The following COL9A2 variants were observed in gnomAD, a reference collection of about 807,000 sequenced individuals.
COL9A2 encodes the protein collagen type IX alpha 2 chain.
In COL9A2, 66 loss-of-function variants were observed where a neutral mutation model predicts 111.6. That is an observed-to-expected ratio of 0.59 (90% CI 0.48 to 0.73). The LOEUF is 0.73. Ranked by LOEUF, COL9A2 falls within the 30% of genes least tolerant of loss-of-function variation. COL9A2 has a pLI of 0.00. For synonymous variants in COL9A2, 353 were observed against 364.1 expected, an observed-to-expected ratio of 0.97 and a Z score of 0.35; for missense variants, 881 against 954.1, an observed-to-expected ratio of 0.92 and a Z score of 1.01.
Position 40,301,847 on chromosome 1 carries a change from C to G in COL9A2, c.1835G>C (p.Gly612Ala). ...TGGGGGCCCAGGCATCCCGGGGTGC[C>G]CCCGTCCCACTTCTCCTGGATCACC... is the stretch of plus-strand genomic sequence containing the variant. ...EKGDPGEVGR[G>A]HPGMPGPPGI... Residue 612 changes from glycine (G) to alanine (A), a missense_variant, in exon 31 of 32, where the codon GGG becomes GCG. Transcript: ENST00000372748. 2 of 1,614,140 alleles carry G rather than the reference C, an allele frequency of 1.2e-6. No individual in the cohort carries two copies. Among genetic ancestry groups the G allele is most frequent in the South Asian group, 2.2e-5 (2 of 91,050 alleles).
rs1643934992 is a variant in COL9A2 at position 40,302,782 on chromosome 1, GCACT to G, written c.1627_1630del (p.Ser543ProfsTer11). On this transcript the variant is annotated frameshift_variant, in exon 30 of 32. Coordinates refer to ENST00000372748, the MANE Select transcript of COL9A2 (RefSeq NM_001852.4). LOFTEE classifies it high-confidence loss of function. This position sits in a 1 kb window ranked among gnomAD's most constrained non-coding sequence, Gnocchi z 4.5. The stretch of plus-strand genomic sequence containing the variant: ...CACCGCACCCAGGGCTTCCCGCTTG[GCACT>G]CACGGCGACCTCTGCCAGTTGCTCT... 1.6e-6 allele frequency: 2 copies of G among 1,250,292 alleles called. No homozygotes were observed. The highest frequency in any genetic ancestry group is 2.3e-5 in the Admixed American group (1 of 44,230). The allele number at this position is 1,250,292 out of a possible 1,614,324, so 77.4% of individuals were successfully genotyped here.
chr1:40,315,002 G>C (rs1644193099), intron 2 of COL9A2, among the ~76,000 whole-genome samples: 1 of 152,122 alleles, frequency 6.6e-6, no homozygotes, highest in Non-Finnish European at 1.5e-5. Flanking sequence ...CCAGGGCCTG[G>C]CCGGGGGCCC....
In COL9A2 at chr1:40,310,085, G is replaced by C. The variant is rs374831834; in HGVS notation, c.792+26C>G. On this transcript the variant is annotated intron_variant, in intron 15 of 31. Transcript: ENST00000372748. The surrounding 1 kb of genome is among the most constrained non-coding windows in gnomAD (Gnocchi z 4.9). ...GTAGCTGTAGGAGCTCCAGCCTCAGGGGTAGGGGAGCAAAAAGAGGCTTAC... is the reference window on the plus strand; with the variant it reads ...GTAGCTGTAGGAGCTCCAGCCTCAGCGGTAGGGGAGCAAAAAGAGGCTTAC... 121 of 1,613,932 alleles carry C rather than the reference G, an allele frequency of 7.5e-5. No homozygotes were observed. The highest frequency in any genetic ancestry group is 1.6e-4 in the Middle Eastern group (1 of 6,062).
chr1:40,311,334 GC>G lies in COL9A2; in HGVS notation c.520-49del. 6.3e-7 allele frequency: 1 copy of G among 1,599,512 alleles called. No homozygotes were observed. Among genetic ancestry groups the G allele is most frequent in the Non-Finnish European group, 8.5e-7 (1 of 1,171,342 alleles). On this transcript the variant is annotated intron_variant, in intron 10 of 31. Transcript: ENST00000372748. The surrounding 1 kb of genome is among the most constrained non-coding windows in gnomAD (Gnocchi z 5.1). ...GGTCCTGTGATCAGCTGGGCAGTGCGCCCCCATCTCTCCAAGCCCCGTGCTC... is the reference window on the plus strand; with the variant it reads ...GGTCCTGTGATCAGCTGGGCAGTGCGCCCCATCTCTCCAAGCCCCGTGCTC...
Position 40,317,146 on chromosome 1 carries a change from C to A in COL9A2, c.52G>T (p.Val18Leu), listed in dbSNP as rs1442572439. The A allele has an allele frequency of 1.3e-6, 2 of 1,586,274 alleles. No individual in the cohort carries two copies. The highest frequency in any genetic ancestry group is 8.6e-7 in the Non-Finnish European group (1 of 1,166,648). The change falls in exon 1 of 32, where the codon GTA becomes TTA. Residue 18 changes from valine (V) to leucine (L), a missense_variant. Coordinates refer to ENST00000372748, the MANE Select transcript of COL9A2 (RefSeq NM_001852.4). The surrounding 1 kb of genome is among the most constrained non-coding windows in gnomAD (Gnocchi z 4.3). ...ACAATCTGCGCCAGAGCGAGCACTA[C>A]CACCTGGAGGAGAACAAGGAGGCTG... ...PRSLLVLLQV[V>L]VLALAQIRGP...
chr1:40,304,156 A>T lies in COL9A2; in HGVS notation c.1288-57T>A, dbSNP rs6682176. The T allele has an allele frequency of 1.9e-4, 288 of 1,521,320 alleles. 4 individuals carry two copies. The African/African-American group carries it at 3.7e-3, about 19-fold the overall frequency. 94.2% of individuals were successfully genotyped at this position (1,521,320 alleles called of 1,614,324 possible). A position where few individuals can be genotyped will look rare whatever the true frequency, so the allele number is the denominator to read the frequency against. ...AGCTCCCCCCTCCACGGGGTCCCCC[A>T]CCTAACTTTCGGCCACACCCCTCTT... is the stretch of plus-strand genomic sequence containing the variant. On this transcript the variant is annotated intron_variant, in intron 24 of 31. Coordinates refer to ENST00000372748, the MANE Select transcript of COL9A2 (RefSeq NM_001852.4).
In COL9A2 at chr1:40,302,955, G is replaced by A. The variant is rs1025389868; in HGVS notation, c.1604-146C>T. ...CACCTTCCGTGGGCTCTGTTTTGCGGAAGTCAAAGGCCCAGAGTGACTTAT... is the reference window on the plus strand; with the variant it reads ...CACCTTCCGTGGGCTCTGTTTTGCGAAAGTCAAAGGCCCAGAGTGACTTAT... On this transcript the variant is annotated intron_variant, in intron 29 of 31. Coordinates refer to ENST00000372748, the MANE Select transcript of COL9A2 (RefSeq NM_001852.4). The surrounding 1 kb of genome is among the most constrained non-coding windows in gnomAD (Gnocchi z 4.5). The A allele has an allele frequency of 2.3e-5, 26 of 1,115,804 alleles. No individual in the cohort carries two copies. Among genetic ancestry groups the A allele is most frequent in the South Asian group, 2.1e-4 (15 of 71,966 alleles). The allele number at this position is 1,115,804 out of a possible 1,614,324, so 69.1% of individuals were successfully genotyped here. A position where few individuals can be genotyped will look rare whatever the true frequency, so the allele number is the denominator to read the frequency against.
chr1:40,304,875 C>T (rs1170242166), intron 21 of COL9A2, 28 bp from the exon 22 acceptor site: 7 of 1,545,932 alleles, frequency 4.5e-6, no homozygotes, highest in East Asian at 2.4e-5. Context: ...TGGGGCTAAG[C>T]GTTTGACCTG....
In COL9A2 at chr1:40,304,750, G is replaced by A; in HGVS notation, c.1161+44C>T. ...GATGCTGTATCCAGCAGTGCCAGCTGCCGCAGAGGCCCCCGGGGAGGGGCC... is the reference window on the plus strand; with the variant it reads ...GATGCTGTATCCAGCAGTGCCAGCTACCGCAGAGGCCCCCGGGGAGGGGCC... On this transcript the variant is annotated intron_variant, in intron 22 of 31. Coordinates refer to ENST00000372748, the MANE Select transcript of COL9A2 (RefSeq NM_001852.4). 2.0e-6 allele frequency: 3 copies of A among 1,523,722 alleles called. No homozygotes were observed. In the East Asian group the frequency reaches 7.4e-5, roughly 37 times the overall value. 94.4% of individuals were successfully genotyped at this position (1,523,722 alleles called of 1,614,324 possible).
Position 40,307,592 on chromosome 1 carries a change from G to C in COL9A2, c.955-93C>G. ...ATGCAGGTAGGGAAACTGAGATCCA[G>C]AGGCAAGAAAGGGCATGTCCATGAC... On this transcript the variant is annotated intron_variant, in intron 18 of 31. Coordinates refer to ENST00000372748, the MANE Select transcript of COL9A2 (RefSeq NM_001852.4). The surrounding 1 kb of genome is among the most constrained non-coding windows in gnomAD (Gnocchi z 4.8). The C allele has an allele frequency of 6.3e-7, 1 of 1,588,162 alleles. No individual in the cohort carries two copies. The highest frequency in any genetic ancestry group is 8.6e-7 in the Non-Finnish European group (1 of 1,160,398).
intron 16 of COL9A2, among the ~76,000 whole-genome samples, chr1:40,309,296 A>T (rs1417412526): frequency 2.0e-5 from 3 of 152,174 alleles, no homozygotes; most frequent in African/African-American, 7.2e-5. Flanking sequence ...TAGAAAAATA[A>T]AAGTATAAGA....
chr1:40,302,932 C>T lies in COL9A2; in HGVS notation c.1604-123G>A, dbSNP rs893686419. 2.4e-5 allele frequency: 28 copies of T among 1,166,636 alleles called. No individual in the cohort carries two copies. Among genetic ancestry groups the T allele is most frequent in the South Asian group, 2.7e-5 (2 of 74,330 alleles). The allele number at this position is 1,166,636 out of a possible 1,614,324, so 72.3% of individuals were successfully genotyped here. A position where few individuals can be genotyped will look rare whatever the true frequency, so the allele number is the denominator to read the frequency against. On this transcript the variant is annotated intron_variant, in intron 29 of 31. Transcript: ENST00000372748. The surrounding 1 kb of genome is among the most constrained non-coding windows in gnomAD (Gnocchi z 4.5). The stretch of plus-strand genomic sequence containing the variant: ...TAGGTTTGCAGACAGAAAAGCACCA[C>T]CTTCCGTGGGCTCTGTTTTGCGGAA...
chr1:40,311,048 A>T lies in COL9A2; in HGVS notation c.630+45T>A. ...GAAGGGGACAGAGCCCTGTAGGACC[A>T]TCTCCACGTATCCCTGACCCACAGC... On this transcript the variant is annotated intron_variant, in intron 12 of 31. Coordinates refer to ENST00000372748, the MANE Select transcript of COL9A2 (RefSeq NM_001852.4). This position sits in a 1 kb window ranked among gnomAD's most constrained non-coding sequence, Gnocchi z 5.1. The T allele has an allele frequency of 6.2e-7, 1 of 1,609,482 alleles. No homozygotes were observed. Among genetic ancestry groups the T allele is most frequent in the Non-Finnish European group, 8.5e-7 (1 of 1,176,308 alleles).
At position 40,307,776 on chromosome 1, in the gene COL9A2, A is replaced by G. The variant is rs1644053624; in HGVS notation, c.901-20T>C. On this transcript the variant is annotated intron_variant, in intron 17 of 31. Coordinates refer to ENST00000372748, the MANE Select transcript of COL9A2 (RefSeq NM_001852.4). This position sits in a 1 kb window ranked among gnomAD's most constrained non-coding sequence, Gnocchi z 4.8. ...GGGGCCCTACCCAGGAGGAAAGTTCAAGGGAGAGTGATAATGCGGAGATGT... is the reference window on the plus strand; with the variant it reads ...GGGGCCCTACCCAGGAGGAAAGTTCGAGGGAGAGTGATAATGCGGAGATGT... 2.5e-6 allele frequency: 4 copies of G among 1,613,836 alleles called. No individual in the cohort carries two copies. Among genetic ancestry groups the G allele is most frequent in the Non-Finnish European group, 3.4e-6 (4 of 1,179,800 alleles).
intron 17 of COL9A2, among the ~76,000 whole-genome samples, 188 bp downstream of exon 17, chr1:40,308,004 G>A (rs547553589): frequency 9.9e-5 from 15 of 152,248 alleles, no homozygotes; most frequent in Admixed American, 2.6e-4. Flanking sequence ...ATGACCTCCC[G>A]TATGTCATCA....
In COL9A2 at chr1:40,310,219, G is replaced by C. The variant is rs759006418; in HGVS notation, c.738+45C>G. ...CCTGGCTGAACTCCAGGGGCCAGAA[G>C]GCAGCTCCTGGAAGCTCTTGTAGAA... On this transcript the variant is annotated intron_variant, in intron 14 of 31. Transcript: ENST00000372748. The surrounding 1 kb of genome is among the most constrained non-coding windows in gnomAD (Gnocchi z 4.9). The C allele has an allele frequency of 6.2e-7, 1 of 1,613,614 alleles. No homozygotes were observed. Among genetic ancestry groups the C allele is most frequent in the East Asian group, 2.2e-5 (1 of 44,882 alleles).
Position 40,316,169 on chromosome 1 carries a change from A to C in COL9A2, c.76-505T>G. The C allele has an allele frequency of 6.1e-6, 1 of 163,850 alleles. No individual in the cohort carries two copies. The highest frequency in any genetic ancestry group is 1.3e-5 in the Non-Finnish European group (1 of 74,630). 10.1% of individuals were successfully genotyped at this position (163,850 alleles called of 1,614,324 possible). A position where few individuals can be genotyped will look rare whatever the true frequency, so the allele number is the denominator to read the frequency against. ...AGAGACAGCGCCTCCTCCTCTCCCC[A>C]TGGTGCGGGAAAACCCGACGGGAAA... is the stretch of plus-strand genomic sequence containing the variant. On this transcript the variant is annotated intron_variant, in intron 1 of 31. Transcript: ENST00000372748. The surrounding 1 kb of genome is among the most constrained non-coding windows in gnomAD (Gnocchi z 5.5).
In COL9A2 at chr1:40,303,661, C is replaced by T. The variant is rs749963403; in HGVS notation, c.1417G>A (p.Glu473Lys). ...CCGCTGGGGCCAGGGTAGCCGGGTT[C>T]TCCACGTACTCCTTGCTGCGGGGGG... ...GPKGQQGVRG[E>K]PGYPGPSGDA... Residue 473 changes from glutamate (E) to lysine (K), a missense_variant, in exon 28 of 32, where the codon GAA becomes AAA. Physicochemically the swap from Glu to Lys is moderately conservative, Grantham distance 56 (BLOSUM62 1). Transcript: ENST00000372748. The surrounding 1 kb of genome is among the most constrained non-coding windows in gnomAD (Gnocchi z 4.6). 1 of 1,572,470 alleles carries T rather than the reference C, an allele frequency of 6.4e-7. No individual in the cohort carries two copies. The highest frequency in any genetic ancestry group is 1.2e-5 in the South Asian group (1 of 86,244).
Position 40,311,210 on chromosome 1 carries a change from T to G in COL9A2, c.576+20A>C. 6.2e-7 allele frequency: 1 copy of G among 1,614,166 alleles called. No individual in the cohort carries two copies. Among genetic ancestry groups the G allele is most frequent in the Non-Finnish European group, 8.5e-7 (1 of 1,179,990 alleles). ...TGTCACCTGCACCACCCTCCCAAGA[T>G]TCAGGCCAGGAGCTCTCACCTTCAC... On this transcript the variant is annotated intron_variant, in intron 11 of 31. Coordinates refer to ENST00000372748, the MANE Select transcript of COL9A2 (RefSeq NM_001852.4). This position sits in a 1 kb window ranked among gnomAD's most constrained non-coding sequence, Gnocchi z 5.1.
Sources: gnomAD v4.1 joint callset for allele counts (sites outside exome capture counted in the v4.1 genomes callset) on GRCh38, gnomAD v4.1.1 for gene constraint, Gnocchi (gnomAD v3.1) non-coding constraint, MANE v1.5 for transcripts, NCBI Gene and HGNC (gene_info 2026-07-23, HGNC 2026-07-21) for gene names.